The following SLCO1B1 variants were observed in gnomAD, a reference collection of about 807,000 sequenced individuals.
The protein encoded by SLCO1B1 is OATP-2.
In SLCO1B1, 81 loss-of-function variants were observed where a neutral mutation model predicts 70.1. The ratio of observed to expected loss-of-function variants is 1.16; its 90% CI spans 0.97 to 1.39. The LOEUF is 1.39. SLCO1B1 is among the 40% of genes most tolerant of loss of function. SLCO1B1 has a pLI of 0.00. For missense variants in SLCO1B1, 895 were observed against 799.6 expected (o/e 1.12, Z -1.44); for synonymous variants, 283 against 271.5 (o/e 1.04, Z -0.42).
chr12:21,213,957 T>C (rs942739128), intron 11 of SLCO1B1, among the ~76,000 whole-genome samples: 2 of 150,268 alleles, frequency 1.3e-5, no homozygotes, highest in African/African-American at 2.4e-5. Context: ...ATTCTAGTTA[T>C]ACATTCTTCT....
chr12:21,172,619 A>G (rs770403752), intron 2 of SLCO1B1, 31 bp from the exon 3 acceptor site: 3 of 1,612,544 alleles, frequency 1.9e-6, no homozygotes, highest in African/African-American at 2.7e-5. Flanking sequence ...TCGATTAACC[A>G]TTTTCCCCCT....
chr12:21,209,448 C>T (rs1201259223), intron 11 of SLCO1B1, among the ~76,000 whole-genome samples: 6 of 152,110 alleles, frequency 3.9e-5, no homozygotes, highest in African/African-American at 9.7e-5. Context: ...TTTCTTAATC[C>T]AGTCTATCAC....
intron 13 of SLCO1B1, 55 bp from the exon 14 acceptor site, chr12:21,224,667 C>A: frequency 2.0e-6 from 2 of 993,566 alleles, no homozygotes; most frequent in East Asian, 2.4e-5. Context: ...GAATATCATG[C>A]AGTTACATTT....
chr12:21,199,690 AAT>A (rs1309309002), intron 8 of SLCO1B1, among the ~76,000 whole-genome samples: 2 of 152,094 alleles, frequency 1.3e-5, no homozygotes, highest in African/African-American at 2.4e-5. Flanking sequence ...ATTTCCATTT[AAT>A]AGTTATATTT....
At chr12:21,198,606 A>G (rs114118438) in intron 8 of SLCO1B1, among the ~76,000 whole-genome samples, 1 of 152,236 alleles carries the variant, frequency 6.6e-6, no homozygotes, top group African/African-American at 2.4e-5. Flanking sequence ...GAGGATCTTA[A>G]GTATGTATCT....
chr12:21,214,426 TC>T (rs926581973), intron 11 of SLCO1B1, among the ~76,000 whole-genome samples: 1 of 147,298 alleles, frequency 6.8e-6, no homozygotes, highest in African/African-American at 2.6e-5. Flanking sequence ...CGTTCTCAGA[TC>T]TCCAGCTGCG....
In SLCO1B1 at chr12:21,224,696, T is replaced by C. The variant is rs767883634; in HGVS notation, c.1748-26T>C. ...TACATTTAAAATATGTTCCCTAAAC[T>C]GACATCTTCTCTTCTCCTATTACAG... On this transcript the variant is annotated intron_variant, in intron 13 of 14. Transcript: ENST00000256958. The C allele has an allele frequency of 3.0e-5, 38 of 1,285,264 alleles. 1 individual carries two copies. Among genetic ancestry groups the C allele is most frequent in the Non-Finnish European group, 4.2e-5 (37 of 881,970 alleles). 79.6% of individuals were successfully genotyped at this position (1,285,264 alleles called of 1,614,324 possible).
chr12:21,162,493 G>C (rs1367934518), intron 2 of SLCO1B1, among the ~76,000 whole-genome samples: 1 of 152,048 alleles, frequency 6.6e-6, no homozygotes, highest in Non-Finnish European at 1.5e-5. Context: ...ATTCCTACTA[G>C]GGGAAATAAA....
At chr12:21,226,613 A>G (rs886514406) in intron 14 of SLCO1B1, among the ~76,000 whole-genome samples, 1 of 152,014 alleles carries the variant, frequency 6.6e-6, no homozygotes, top group Non-Finnish European at 1.5e-5. Flanking sequence ...ATTTTATATG[A>G]TATTATCATG....
intron 2 of SLCO1B1, among the ~76,000 whole-genome samples, chr12:21,142,081 AC>A (rs1484317275): frequency 4.0e-5 from 6 of 150,932 alleles, no homozygotes; most frequent in African/African-American, 1.5e-4. Flanking sequence ...AAAAAAAAAA[AC>A]AAAAAACAGG....
At chr12:21,211,150 G>A (rs1941278957) in intron 11 of SLCO1B1, among the ~76,000 whole-genome samples, 1 of 152,136 alleles carries the variant, frequency 6.6e-6, no homozygotes, top group Non-Finnish European at 1.5e-5. Context: ...GTTTTCAAAC[G>A]GAATGCTTCC....
At chr12:21,152,542 T>TTTTTTTTTTTTTTTTTTTTTTTTTTTC (rs1259921994) in intron 2 of SLCO1B1, among the ~76,000 whole-genome samples, 1 of 139,476 alleles carries the variant, frequency 7.2e-6, no homozygotes, top group Non-Finnish European at 1.6e-5. Context: ...GCTTTTTTTT[T>TTTTTTTTTTTTTTTTTTTTTTTTTTTC]TTTTTTTTTG....
rs71043250 is a variant in SLCO1B1, at chr12:21,152,533, C to CTTTTT, written c.84+10889_84+10893dup. Among the ~76,000 whole-genome samples, 7 of 34,350 alleles carry CTTTTT rather than the reference C, an allele frequency of 2.0e-4. 2 individuals carry two copies. Among genetic ancestry groups the CTTTTT allele is most frequent in the Non-Finnish European group, 3.6e-4 (7 of 19,384 alleles). 22.5% of individuals were successfully genotyped at this position (34,350 alleles called of 152,430 possible). A position where few individuals can be genotyped will look rare whatever the true frequency, so the allele number is the denominator to read the frequency against. On this transcript the variant is annotated intron_variant, in intron 2 of 14. Coordinates refer to ENST00000256958, the MANE Select transcript of SLCO1B1 (RefSeq NM_006446.5). ...TTGCTAAGGTGTGGGAGAGGAGAGG[C>CTTTTT]TTTTTTTTTTTTTTTTTTGCCTCTG...
intron 2 of SLCO1B1, among the ~76,000 whole-genome samples, chr12:21,162,457 T>C (rs75035250): frequency 0.055 from 8,405 of 152,240 alleles, 300 homozygotes; most frequent in Middle Eastern, 0.11. Context: ...ACATGATACA[T>C]TTGTTGTATA....
chr12:21,141,533 C>T lies in SLCO1B1; in HGVS notation c.-42C>T, dbSNP rs772237554. On this transcript the variant is annotated 5_prime_UTR_variant, in exon 2 of 15. Transcript: ENST00000256958. ...TAATAGGTGATTGTTTCAAACTGAG[C>T]ATCAACAACAAAAACATTTGTATGA... is the stretch of plus-strand genomic sequence containing the variant. 4 of 1,178,558 alleles carry T rather than the reference C, an allele frequency of 3.4e-6. No homozygotes were observed. Among genetic ancestry groups the T allele is most frequent in the South Asian group, 2.5e-5 (2 of 80,840 alleles). 73.0% of individuals were successfully genotyped at this position (1,178,558 alleles called of 1,614,324 possible).
At chr12:21,170,835 C>T (rs1486091658) in intron 2 of SLCO1B1, among the ~76,000 whole-genome samples, 1 of 152,192 alleles carries the variant, frequency 6.6e-6, no homozygotes, top group African/African-American at 2.4e-5. Flanking sequence ...CAGAAAGGAA[C>T]ACACCCACAT....
chr12:21,191,755 G>A (rs1300516281), intron 7 of SLCO1B1, among the ~76,000 whole-genome samples: 1 of 152,016 alleles, frequency 6.6e-6, no homozygotes, highest in Non-Finnish European at 1.5e-5. Flanking sequence ...TGCTAGCTGT[G>A]AGCTTTTTAA....
At chr12:21,142,459 A>C (rs1027489199) in intron 2 of SLCO1B1, among the ~76,000 whole-genome samples, 2 of 152,028 alleles carry the variant, frequency 1.3e-5, no homozygotes, top group African/African-American at 4.8e-5. Context: ...TGAGGAAATC[A>C]AGAAATAAGG....
At chr12:21,141,863 G>T (rs768272811) in intron 2 of SLCO1B1, among the ~76,000 whole-genome samples, 4 of 151,674 alleles carry the variant, frequency 2.6e-5, no homozygotes, top group Non-Finnish European at 5.9e-5. Context: ...AATTTTTGAT[G>T]CTTAATAGTT....
Sources: allele counts gnomAD v4.1 joint callset (sites outside exome capture counted in the v4.1 genomes callset), GRCh38; gene constraint gnomAD v4.1.1; transcripts MANE v1.5; gene names NCBI Gene and HGNC (gene_info 2026-07-23, HGNC 2026-07-21).